CFAP20DC: variants seen among roughly 807,000 people sequenced by gnomAD.
CFAP20DC encodes CFAP20 domain containing, also known as protein CFAP20DC.
A neutral mutation model predicts 101.7 loss-of-function variants in CFAP20DC; 84 were observed. That is an observed-to-expected ratio of 0.83 (90% CI 0.69 to 0.99). CFAP20DC has a LOEUF of 0.99. Among genes scored for constraint, CFAP20DC ranks in the 50% least tolerant of loss-of-function variants. The pLI, the probability that CFAP20DC is intolerant of heterozygous loss-of-function variation, is 0.00. For missense variants in CFAP20DC, 1,007 were observed against 970.3 expected (o/e 1.04, Z -0.50); for synonymous variants, 359 against 351.2 (o/e 1.02, Z -0.25).
chr3:59,020,076 T>C (rs1423596915), intron 4 of CFAP20DC, among the ~76,000 whole-genome samples: 1 of 152,098 alleles, frequency 6.6e-6, no homozygotes, highest in African/African-American at 2.4e-5. Context: ...TTTTTGTAAG[T>C]ATAATTTTGG....
chr3:59,002,539 C>T lies in CFAP20DC; in HGVS notation c.278+37018G>A, dbSNP rs986972922. Among the ~76,000 whole-genome samples the T allele has an allele frequency of 6.6e-6, 1 of 152,100 alleles. No homozygotes were observed. Among genetic ancestry groups the T allele is most frequent in the Non-Finnish European group, 1.5e-5 (1 of 68,016 alleles). ...TCCATGTACACCCTGGTCATCATAACAAAAAGAAAATAAAAGTTACTCACA... is the reference window on the plus strand; with the variant it reads ...TCCATGTACACCCTGGTCATCATAATAAAAAGAAAATAAAAGTTACTCACA... On this transcript the variant is annotated intron_variant, in intron 4 of 16. Transcript: ENST00000482387. The surrounding 1 kb of genome is among the most constrained non-coding windows in gnomAD (Gnocchi z 4.5).
At chr3:58,890,690 G>A (rs865873217) in intron 6 of CFAP20DC, among the ~76,000 whole-genome samples, 1 of 146,718 alleles carries the variant, frequency 6.8e-6, no homozygotes, top group African/African-American at 2.5e-5. Context: ...CAGGCAGAGG[G>A]TCTCCTCACT....
At chr3:58,933,103 A>G (rs1359330922) in intron 5 of CFAP20DC, among the ~76,000 whole-genome samples, 1 of 152,130 alleles carries the variant, frequency 6.6e-6, no homozygotes, top group African/African-American at 2.4e-5. Context: ...GAAAACAAGA[A>G]AAGGCAGGGG....
downstream of CFAP20DC, chr3:58,737,313 C>A: frequency 2.2e-6 from 1 of 453,896 alleles, no homozygotes; most frequent in Non-Finnish European, 4.4e-6. The surrounding 1 kb of genome is among the most constrained non-coding windows in gnomAD (Gnocchi z 4.1). Context: ...CTCACACACA[C>A]ACACACACAG....
chr3:58,871,931 C>T (rs1056079797), intron 7 of CFAP20DC, among the ~76,000 whole-genome samples: 1 of 152,128 alleles, frequency 6.6e-6, no homozygotes, highest in Non-Finnish European at 1.5e-5. Context: ...CCCTCGCCTC[C>T]TGACTAGATG....
intron 5 of CFAP20DC, among the ~76,000 whole-genome samples, chr3:58,917,300 C>T (rs6790061): frequency 0.036 from 5,485 of 152,226 alleles, 312 homozygotes; most frequent in African/African-American, 0.12. Context: ...CACACACACA[C>T]ACCCCACAAG....
chr3:59,039,642 G>A lies in CFAP20DC; in HGVS notation c.206-13C>T. On this transcript the variant is annotated splice_polypyrimidine_tract_variant and intron_variant, in intron 3 of 16. Coordinates refer to ENST00000482387, the MANE Select transcript of CFAP20DC (RefSeq NM_001394063.1). ...TGGATCAATCCAACTAGAATGAAGA[G>A]GAAATACACATTCAAATGTTCGAAG... The A allele has an allele frequency of 6.8e-7, 1 of 1,475,078 alleles. No individual in the cohort carries two copies. Among genetic ancestry groups the A allele is most frequent in the South Asian group, 1.3e-5 (1 of 79,926 alleles). 91.4% of individuals were successfully genotyped at this position (1,475,078 alleles called of 1,614,324 possible).
chr3:58,732,975 A>G lies in CFAP20DC; in HGVS notation c.198-15347T>C, dbSNP rs2067674314. ...TAATTTCTTAACATAATCTTATCCA[A>G]TCATTAGAAAAACCTCATTAATTTT... On this transcript the variant is annotated intron_variant, in intron 3 of 3. Transcript: ENST00000486145. The surrounding 1 kb of genome is among the most constrained non-coding windows in gnomAD (Gnocchi z 5.4). Among the ~76,000 whole-genome samples the G allele has an allele frequency of 6.6e-6, 1 of 152,212 alleles. No individual in the cohort carries two copies. The highest frequency in any genetic ancestry group is 2.4e-5 in the African/African-American group (1 of 41,448).
At chr3:58,772,265 A>C (rs1434423169) in intron 15 of CFAP20DC, among the ~76,000 whole-genome samples, 1 of 152,206 alleles carries the variant, frequency 6.6e-6, no homozygotes, top group Admixed American at 6.5e-5. Context: ...ATGTAAGGAT[A>C]CTGAACAATT....
At position 58,971,928 on chromosome 3, in the gene CFAP20DC, TA is replaced by T. The variant is rs2091974485; in HGVS notation, c.279-34167del. Among the ~76,000 whole-genome samples the T allele has an allele frequency of 6.6e-6, 1 of 151,728 alleles. No homozygotes were observed. The highest frequency in any genetic ancestry group is 2.4e-5 in the African/African-American group (1 of 41,284). On this transcript the variant is annotated intron_variant, in intron 4 of 16. Coordinates refer to ENST00000482387, the MANE Select transcript of CFAP20DC (RefSeq NM_001394063.1). The surrounding 1 kb of genome is among the most constrained non-coding windows in gnomAD (Gnocchi z 4.1). ...TAGAGGTACTCCCAAAAAATCCTGC[TA>T]AAAACAATTACCTTTGGAAAATGAC...
At chr3:58,956,843 C>A (rs6805360) in intron 4 of CFAP20DC, among the ~76,000 whole-genome samples, 1 of 152,104 alleles carries the variant, frequency 6.6e-6, no homozygotes, top group Non-Finnish European at 1.5e-5. Flanking sequence ...GCAAGGGGAA[C>A]AATGACTGCC....
intron 15 of CFAP20DC, among the ~76,000 whole-genome samples, chr3:58,756,866 C>CA (rs1455393381): frequency 6.6e-6 from 1 of 152,076 alleles, no homozygotes; most frequent in Non-Finnish European, 1.5e-5. Flanking sequence ...TCCTGGAAAT[C>CA]ATTCCATACC....
intron 4 of CFAP20DC, among the ~76,000 whole-genome samples, chr3:58,983,884 A>G (rs945902036): frequency 6.6e-6 from 1 of 152,218 alleles, no homozygotes; most frequent in East Asian, 1.9e-4. Flanking sequence ...TATCAGAACC[A>G]GAATTCCAAC....
At chr3:58,871,166 T>C (rs1010461697) in intron 7 of CFAP20DC, among the ~76,000 whole-genome samples, 2 of 151,936 alleles carry the variant, frequency 1.3e-5, no homozygotes, top group African/African-American at 4.8e-5. Context: ...CCCTGAATGA[T>C]GGATACAATT....
intron 4 of CFAP20DC, among the ~76,000 whole-genome samples, chr3:59,028,596 C>T (rs59079651): frequency 0.028 from 4,206 of 152,136 alleles, 94 homozygotes; most frequent in East Asian, 0.11. Flanking sequence ...AGTAAGGCAG[C>T]GTGGCAAGGG....
intron 4 of CFAP20DC, among the ~76,000 whole-genome samples, chr3:58,939,050 A>C (rs1366593518): frequency 6.6e-6 from 1 of 152,190 alleles, no homozygotes. Context: ...TGGGATGAAC[A>C]CATGGGGAGG....
At chr3:58,991,906 A>G (rs763363452) in intron 4 of CFAP20DC, among the ~76,000 whole-genome samples, 7 of 152,186 alleles carry the variant, frequency 4.6e-5, no homozygotes, top group Admixed American at 6.5e-5. Context: ...ATTATTCTAG[A>G]TAAGTCAGCA....
chr3:58,891,340 T>C (rs1033414626), intron 6 of CFAP20DC, among the ~76,000 whole-genome samples: 2 of 148,026 alleles, frequency 1.4e-5, no homozygotes, highest in Non-Finnish European at 3.0e-5. Context: ...GGCAGGGAGG[T>C]TGCAGTGAGC....
At chr3:58,989,569 T>C (rs969897973) in intron 4 of CFAP20DC, among the ~76,000 whole-genome samples, 1 of 152,166 alleles carries the variant, frequency 6.6e-6, no homozygotes, top group African/African-American at 2.4e-5. Flanking sequence ...TAAAATTTTG[T>C]AATATAAGTA....
Sources: allele counts gnomAD v4.1 joint callset (sites outside exome capture counted in the v4.1 genomes callset), GRCh38; gene constraint gnomAD v4.1.1; non-coding constraint Gnocchi (gnomAD v3.1); transcripts MANE v1.5; gene names NCBI Gene and HGNC (gene_info 2026-07-23, HGNC 2026-07-21).